FASTKD5: variants seen among roughly 807,000 people sequenced by gnomAD.
The protein encoded by FASTKD5 is non-canonical pre-mRNAs endonuclease FASTKD5, mitochondrial.
A neutral mutation model predicts 44.0 loss-of-function variants in FASTKD5; 30 were observed. The ratio of observed to expected loss-of-function variants is 0.68; its 90% CI spans 0.51 to 0.93. FASTKD5 has a LOEUF of 0.93. FASTKD5 is among the 40% of genes least tolerant of loss of function. The pLI is 0.00. For missense variants in FASTKD5, 868 were observed against 908.2 expected (o/e 0.96, Z 0.57); for synonymous variants, 335 against 342.2 (o/e 0.98, Z 0.23).
In FASTKD5 at chr20:3,149,124, G is replaced by T; in HGVS notation, c.-54C>A. On this transcript the variant is annotated 5_prime_UTR_variant, in exon 2 of 2. An upstream open reading frame in the 5' UTR gains an earlier in-frame stop. Coordinates refer to ENST00000380266, the MANE Select transcript of FASTKD5 (RefSeq NM_021826.5). This position sits in a 1 kb window ranked among gnomAD's most constrained non-coding sequence, Gnocchi z 4.1. ...GTCAGAATACAGTCCTCACAGATTT[G>T]ACCAGGCAATTTCTTGTTTATATGG... The T allele has an allele frequency of 1.3e-6, 2 of 1,537,558 alleles. No individual in the cohort carries two copies. The highest frequency in any genetic ancestry group is 2.6e-5 in the South Asian group (2 of 77,720).
At chr20:3,151,312 G>T (rs566220248) in intron 1 of FASTKD5, among the ~76,000 whole-genome samples, 4 of 152,256 alleles carry the variant, frequency 2.6e-5, no homozygotes, top group Admixed American at 6.5e-5. Flanking sequence ...TGTAAACAAG[G>T]TTTTTTCAGA....
Position 3,148,041 on chromosome 20 carries a change from C to G in FASTKD5, c.1030G>C (p.Ala344Pro). ...EFVMRKIGDL[A>P]CANIQHLSSR... ...CTCAGATGCTGAATGTTAGCACAAG[C>G]CAAGTCTCCAATTTTCCGCATGACA... Residue 344 changes from alanine (A) to proline (P), a missense_variant, in exon 2 of 2, where the codon GCT becomes CCT. Ala to Pro is a conservative substitution (Grantham distance 27). Coordinates refer to ENST00000380266, the MANE Select transcript of FASTKD5 (RefSeq NM_021826.5). 1 of 1,614,076 alleles carries G rather than the reference C, an allele frequency of 6.2e-7. No individual in the cohort carries two copies. Among genetic ancestry groups the G allele is most frequent in the Non-Finnish European group, 8.5e-7 (1 of 1,180,014 alleles).
Position 3,148,511 on chromosome 20 carries a change from A to G in FASTKD5, c.560T>C (p.Phe187Ser). Residue 187 changes from phenylalanine (F) to serine (S), a missense_variant, in exon 2 of 2, where the codon TTT (phenylalanine) becomes TCT (serine). Coordinates refer to ENST00000380266, the MANE Select transcript of FASTKD5 (RefSeq NM_021826.5). ...CACACTCAGCTGGCAGAGCAGAGCAAAGCTGGTACTGCCCAGCAAGACAGG... is the reference window on the plus strand; with the variant it reads ...CACACTCAGCTGGCAGAGCAGAGCAGAGCTGGTACTGCCCAGCAAGACAGG... Reference protein sequence around the residue: ...QHPVLLGSTSFALLCQLSVKK... With the variant: ...QHPVLLGSTSSALLCQLSVKK... 2 of 1,614,178 alleles carry G rather than the reference A, an allele frequency of 1.2e-6. No individual in the cohort carries two copies. The highest frequency in any genetic ancestry group is 8.5e-7 in the Non-Finnish European group (1 of 1,180,028).
At chr20:3,151,936 C>T (rs571817236) in intron 1 of FASTKD5, 1 of 151,472 alleles carries the variant, frequency 6.6e-6, no homozygotes, top group African/African-American at 2.4e-5. Context: ...GAAACCCTAT[C>T]TCTACTACAA....
At position 3,147,794 on chromosome 20, in the gene FASTKD5, C is replaced by A; in HGVS notation, c.1277G>T (p.Arg426Leu). 1.2e-6 allele frequency: 2 copies of A among 1,614,174 alleles called. No individual in the cohort carries two copies. The highest frequency in any genetic ancestry group is 1.7e-6 in the Non-Finnish European group (2 of 1,180,046). ...CAGAATCTTGGCAACATCTTTACTTCGACAGTGTGCCACTCTAGGAGGCAA... is the reference window on the plus strand; with the variant it reads ...CAGAATCTTGGCAACATCTTTACTTAGACAGTGTGCCACTCTAGGAGGCAA... The part of the protein sequence containing the change: ...ASLPPRVAHC[R>L]SKDVAKILWS... The change falls in exon 2 of 2, where the codon CGA (arginine) becomes CTA (leucine). Residue 426 changes from arginine (R) to leucine (L), a missense_variant. Transcript: ENST00000380266.
rs2066595202 is a variant in FASTKD5, at chr20:3,148,798, CAATGTA to C, written c.267_272del (p.Ser89_Leu91delinsArg). 5 of 1,614,120 alleles carry C rather than the reference CAATGTA, an allele frequency of 3.1e-6. No individual in the cohort carries two copies. Among genetic ancestry groups the C allele is most frequent in the Non-Finnish European group, 4.2e-6 (5 of 1,180,052 alleles). On this transcript the variant is annotated inframe_deletion, in exon 2 of 2. Transcript: ENST00000380266. Reference sequence around the variant, plus strand: ...CTGTGGCCCTGGGTGAGCCCAGCTGCAATGTACTGGCCTTAGAGGAAGAAGTCTTGC... The same window carrying C: ...CTGTGGCCCTGGGTGAGCCCAGCTGCCTGGCCTTAGAGGAAGAAGTCTTGC...
In FASTKD5 at chr20:3,148,362, A is replaced by G. The variant is rs368165146; in HGVS notation, c.709T>C (p.Trp237Arg). 34 of 1,614,172 alleles carry G rather than the reference A, an allele frequency of 2.1e-5. No homozygotes were observed. The African/African-American group carries it at 2.3e-4, about 11-fold the overall frequency. The change falls in exon 2 of 2, where the codon TGG becomes CGG. Residue 237 changes from tryptophan to arginine, a missense_variant. By Grantham distance (101) the Trp-to-Arg change is moderately radical. Coordinates refer to ENST00000380266, the MANE Select transcript of FASTKD5 (RefSeq NM_021826.5). ...VYETKCCHQV[W>R]EMNMDQLLLV... ...AGGAGCTGATCCATATTCATCTCCC[A>G]TACCTGATGGCAACACTTGGTCTCA...
chr20:3,156,815 T>C (rs2066691161), intron 1 of FASTKD5: 1 of 152,168 alleles, frequency 6.6e-6, no homozygotes, highest in Non-Finnish European at 1.5e-5. Context: ...TAAGACACCT[T>C]AAACACATAC....
Position 3,147,241 on chromosome 20 carries a change from A to G in FASTKD5, c.1830T>C (p.Ala610=). 1 of 1,614,202 alleles carries G rather than the reference A, an allele frequency of 6.2e-7. No homozygotes were observed. Among genetic ancestry groups the G allele is most frequent in the Non-Finnish European group, 8.5e-7 (1 of 1,180,036 alleles). The change falls in exon 2 of 2, where the codon GCT becomes GCC. Residue 610 remains alanine, a synonymous_variant. Transcript: ENST00000380266. ...CAAGCCTTAATTTGGCTACATTTTCAGCCGGCGTGGCTTCTCTATTAAATG... is the reference window on the plus strand; with the variant it reads ...CAAGCCTTAATTTGGCTACATTTTCGGCCGGCGTGGCTTCTCTATTAAATG... ...PLPFNREATP[A]ENVAKLRLEH... is the part of the protein sequence containing the mutation.
At chr20:3,156,269 G>C (rs377622643) in intron 1 of FASTKD5, among the ~76,000 whole-genome samples, 1 of 149,852 alleles carries the variant, frequency 6.7e-6, no homozygotes, top group African/African-American at 2.5e-5. Context: ...TCTGCATCCC[G>C]GGTTTAAGTA....
At chr20:3,152,408 G>A (rs143998028) in intron 1 of FASTKD5, among the ~76,000 whole-genome samples, 1,899 of 151,550 alleles carry the variant, frequency 0.013, 18 homozygotes, top group South Asian at 0.056. Flanking sequence ...AGGCTGAGGC[G>A]GGAGAATCAC....
At position 3,147,892 on chromosome 20, in the gene FASTKD5, G is replaced by T; in HGVS notation, c.1179C>A (p.Val393=). The change falls in exon 2 of 2, where the codon GTC becomes GTA. Residue 393 remains valine (V), a synonymous_variant. Transcript: ENST00000380266. Reference sequence around the variant, plus strand: ...CCGAGCAGTAAAGAGTCAGGTGCATGACACCTTGAACTCCCAGGGAAGGAA... The same window carrying T: ...CCGAGCAGTAAAGAGTCAGGTGCATTACACCTTGAACTCCCAGGGAAGGAA... ...QRIPSLGVQG[V]MHLTLYCSAL... is the part of the protein sequence containing the mutation. The T allele has an allele frequency of 6.2e-7, 1 of 1,614,194 alleles. No individual in the cohort carries two copies. Among genetic ancestry groups the T allele is most frequent in the Non-Finnish European group, 8.5e-7 (1 of 1,180,040 alleles).
chr20:3,158,073 G>A (rs2066706894), intron 1 of FASTKD5, among the ~76,000 whole-genome samples: 1 of 151,946 alleles, frequency 6.6e-6, no homozygotes, highest in Admixed American at 6.6e-5. Flanking sequence ...CTCCTAAGTA[G>A]CTTGGACTAC....
intron 1 of FASTKD5, chr20:3,150,485 T>G (rs889516490): frequency 6.6e-6 from 1 of 152,238 alleles, no homozygotes; most frequent in Non-Finnish European, 1.5e-5. Context: ...ATGAAATTGA[T>G]TCTGCTGTGC....
rs1008550134 is a variant in FASTKD5, at chr20:3,149,225, G to A, written c.-155C>T. ...TCTTCAGCATATCACAAGAGCCAGGGATCACAAATGACTGGGTCAGAATTG... is the reference window on the plus strand; with the variant it reads ...TCTTCAGCATATCACAAGAGCCAGGAATCACAAATGACTGGGTCAGAATTG... On this transcript the variant is annotated 5_prime_UTR_variant, in exon 2 of 2. Transcript: ENST00000380266. This position sits in a 1 kb window ranked among gnomAD's most constrained non-coding sequence, Gnocchi z 4.1. 2.8e-6 allele frequency: 2 copies of A among 725,892 alleles called. No homozygotes were observed. The highest frequency in any genetic ancestry group is 3.6e-5 in the African/African-American group (2 of 56,030). The allele number at this position is 725,892 out of a possible 1,614,324, so 45.0% of individuals were successfully genotyped here.
chr20:3,146,891 C>A lies in FASTKD5; in HGVS notation c.2180G>T (p.Arg727Leu), dbSNP rs753590808. The A allele has an allele frequency of 6.2e-7, 1 of 1,614,150 alleles. No homozygotes were observed. The highest frequency in any genetic ancestry group is 8.5e-7 in the Non-Finnish European group (1 of 1,180,026). The part of the protein sequence containing the change: ...LHNMKRRQLA[R>L]LGYRVVELSY... The stretch of plus-strand genomic sequence containing the variant: ...TAACTCTACCACACGGTAGCCAAGC[C>A]GAGCCAGCTGCCGCCTCTTCATATT... Residue 727 changes from arginine (R) to leucine (L), a missense_variant, in exon 2 of 2, where the codon CGG (arginine) becomes CTG (leucine). Coordinates refer to ENST00000380266, the MANE Select transcript of FASTKD5 (RefSeq NM_021826.5).
chr20:3,158,641 T>A (rs987611851), intron 1 of FASTKD5, among the ~76,000 whole-genome samples: 1 of 151,988 alleles, frequency 6.6e-6, no homozygotes, highest in Non-Finnish European at 1.5e-5. Flanking sequence ...CGCCCAGCTA[T>A]TTTTTTGTAT....
At chr20:3,157,146 T>G (rs2122134649) in intron 1 of FASTKD5, among the ~76,000 whole-genome samples, 1 of 152,250 alleles carries the variant, frequency 6.6e-6, no homozygotes, top group South Asian at 2.1e-4. Context: ...GCTGAGGTAT[T>G]CTGCTGAGAA....
Position 3,146,671 on chromosome 20 carries a change from C to T in FASTKD5, c.*105G>A, listed in dbSNP as rs1287064380. On this transcript the variant is annotated 3_prime_UTR_variant, in exon 2 of 2. Coordinates refer to ENST00000380266, the MANE Select transcript of FASTKD5 (RefSeq NM_021826.5). ...TGGATACAATTAAGTCTCCTCAACA[C>T]ACTATTTTATCGCCAAACTTACATT... 6 of 1,353,128 alleles carry T rather than the reference C, an allele frequency of 4.4e-6. No homozygotes were observed. Among genetic ancestry groups the T allele is most frequent in the Admixed American group, 2.2e-5 (1 of 45,016 alleles). 83.8% of individuals were successfully genotyped at this position (1,353,128 alleles called of 1,614,324 possible). A position where few individuals can be genotyped will look rare whatever the true frequency, so the allele number is the denominator to read the frequency against.
Sources: gnomAD v4.1 joint callset for allele counts (sites outside exome capture counted in the v4.1 genomes callset) on GRCh38, gnomAD v4.1.1 for gene constraint, Gnocchi (gnomAD v3.1) non-coding constraint, MANE v1.5 for transcripts, NCBI Gene and HGNC (gene_info 2026-07-23, HGNC 2026-07-21) for gene names.